Variants in MYOM2 observed in about 807,000 individuals in gnomAD.
The protein encoded by MYOM2 is myomesin-2.
Under a neutral mutation model 187.6 loss-of-function variants are expected in MYOM2, and 254 were observed. That is an observed-to-expected ratio of 1.35 (90% CI 1.22 to 1.50). The LOEUF (loss-of-function observed/expected upper bound fraction) is 1.50, where lower values mean the gene tolerates loss of function less well. Ranked by LOEUF, MYOM2 falls within the 40% of genes most tolerant of loss-of-function variation. The probability of loss-of-function intolerance (pLI) is 0.00; values close to 1 mark genes in which losing one functional copy is unlikely to be tolerated. For missense variants in MYOM2, 2,796 were observed against 1,924.0 expected, an observed-to-expected ratio of 1.45 and a Z score of -8.48; for synonymous variants, 981 against 753.8, an observed-to-expected ratio of 1.30 and a Z score of -4.94.
At chr8:2,087,204 C>A (rs1023192171) in intron 14 of MYOM2, among the ~76,000 whole-genome samples, 1 of 152,108 alleles carries the variant, frequency 6.6e-6, no homozygotes, top group Non-Finnish European at 1.5e-5. Flanking sequence ...TTTTGCGATA[C>A]AAAATTTATA....
rs1366084001 is a variant in MYOM2 at position 2,086,309 on chromosome 8, C to T, written c.1644+919C>T. Among the ~76,000 whole-genome samples, 77 of 142,808 alleles carry T rather than the reference C, an allele frequency of 5.4e-4. 6 individuals are homozygous for T. In the East Asian group the frequency reaches 6.8e-3, roughly 13 times the overall value. 93.7% of individuals were successfully genotyped at this position (142,808 alleles called of 152,430 possible). The stretch of plus-strand genomic sequence containing the variant: ...CTGTCGTGATCTCCGCGTGGCCCCC[C>T]ACAGTCGTGATCTCTGCGTGGCCCC... On this transcript the variant is annotated intron_variant, in intron 14 of 36. Transcript: ENST00000262113.
intron 32 of MYOM2, among the ~76,000 whole-genome samples, chr8:2,138,228 A>G (rs1188636061): frequency 6.6e-6 from 1 of 152,200 alleles, no homozygotes; most frequent in Non-Finnish European, 1.5e-5. Flanking sequence ...GCCAGCCTGC[A>G]GCTTGCAAAC....
At chr8:2,143,615 T>C (rs1798355816) in intron 36 of MYOM2, among the ~76,000 whole-genome samples, 159 bp downstream of exon 36, 1 of 152,160 alleles carries the variant, frequency 6.6e-6, no homozygotes, top group East Asian at 1.9e-4. Flanking sequence ...CTGCCCCTCC[T>C]AGACGGCTTG....
chr8:2,117,824 A>G (rs1797298437), intron 27 of MYOM2, 61 bp from the exon 28 acceptor site: 1 of 1,114,534 alleles, frequency 9.0e-7, no homozygotes. Flanking sequence ...TATAATAGCT[A>G]TATATTTATT....
chr8:2,137,748 A>C (rs1051908685), intron 32 of MYOM2, among the ~76,000 whole-genome samples: 2 of 152,150 alleles, frequency 1.3e-5, no homozygotes, highest in South Asian at 4.1e-4. Flanking sequence ...TCAATAAACG[A>C]TTACAGTGGG....
chr8:2,058,108 TC>T (rs1488650952), intron 5 of MYOM2, among the ~76,000 whole-genome samples: 1 of 147,614 alleles, frequency 6.8e-6, no homozygotes, highest in African/African-American at 2.5e-5. Flanking sequence ...AATCTCCACT[TC>T]CCTGGTTTAA....
At chr8:2,118,563 G>C (rs10107471) in intron 28 of MYOM2, among the ~76,000 whole-genome samples, 102,290 of 152,078 alleles carry the variant, frequency 0.67, 34,502 homozygotes, top group Admixed American at 0.73. Context: ...GAGATGATTC[G>C]TGAGCTGCGT....
intron 31 of MYOM2, chr8:2,127,951 AGTTTCTATTTTG>A (rs1797714762): frequency 6.6e-6 from 1 of 152,430 alleles, no homozygotes; most frequent in African/African-American, 2.4e-5. Context: ...CCATCATAAC[AGTTTCTATTTTG>A]GTTTCTATTT....
intron 13 of MYOM2, chr8:2,084,958 A>G: frequency 2.9e-6 from 1 of 349,408 alleles, no homozygotes; most frequent in East Asian, 5.5e-5. Context: ...TTTCGGGTGC[A>G]ATGCCTGGTT....
chr8:2,046,479 G>A (rs545455913), intron 1 of MYOM2, among the ~76,000 whole-genome samples: 2 of 152,270 alleles, frequency 1.3e-5, no homozygotes, highest in Non-Finnish European at 2.9e-5. Flanking sequence ...CCGGTGACCC[G>A]GGCAAGTCAT....
intron 32 of MYOM2, among the ~76,000 whole-genome samples, chr8:2,132,219 G>C (rs1039970213): frequency 1.3e-5 from 2 of 150,100 alleles, no homozygotes; most frequent in African/African-American, 5.0e-5. Flanking sequence ...GCCAAAGACT[G>C]GTGCTGTGGG....
In MYOM2 at chr8:2,106,577, G is replaced by C; in HGVS notation, c.2978G>C (p.Ser993Thr). The change falls in exon 23 of 37, where the codon AGT (serine) becomes ACT (threonine). Residue 993 changes from serine (S) to threonine (T), a missense_variant. Coordinates refer to ENST00000262113, the MANE Select transcript of MYOM2 (RefSeq NM_003970.4). ...SVSDTDGVSS[S>T]FVLDPEELER... Reference sequence around the variant, plus strand: ...AGTGATACAGACGGAGTGTCCTCCAGTTTTGTTCTGGACCCAGAAGGTAAT... The same window carrying C: ...AGTGATACAGACGGAGTGTCCTCCACTTTTGTTCTGGACCCAGAAGGTAAT... 3 of 1,606,934 alleles carry C rather than the reference G, an allele frequency of 1.9e-6. No individual in the cohort carries two copies. The highest frequency in any genetic ancestry group is 2.6e-6 in the Non-Finnish European group (3 of 1,174,118).
Position 2,117,014 on chromosome 8 carries a change from T to C in MYOM2, c.3385+739T>C, listed in dbSNP as rs184823410. 2.5e-3 allele frequency among the ~76,000 whole-genome samples: 380 copies of C among 152,360 alleles called. 2 individuals carry two copies. The highest frequency in any genetic ancestry group is 3.5e-3 in the Non-Finnish European group (241 of 68,038). The stretch of plus-strand genomic sequence containing the variant: ...TCCTGACCTCGTGATCCGCCCGCCT[T>C]GGCCTCCCAAAGTGCTGGGATTACA... On this transcript the variant is annotated intron_variant, in intron 27 of 36. Transcript: ENST00000262113.
intron 27 of MYOM2, among the ~76,000 whole-genome samples, chr8:2,116,508 T>A (rs1797250552): frequency 6.6e-6 from 1 of 152,192 alleles, no homozygotes; most frequent in Admixed American, 6.5e-5. Flanking sequence ...GCAATTTTAA[T>A]GAAAAGAATA....
chr8:2,054,990 GACGAAGTACCTGGATACTGGGGA>G (rs201428506), intron 3 of MYOM2, among the ~76,000 whole-genome samples: 51,395 of 94,426 alleles, frequency 0.54, 14,224 homozygotes, highest in East Asian at 0.78. Context: ...ATACTGGGGG[GACGAAGTACCTGGATACTGGGGA>G]ACCAAGTACC....
Position 2,090,190 on chromosome 8 carries a change from C to T in MYOM2, c.1827C>T (p.Thr609=), listed in dbSNP as rs779211924. Residue 609 remains threonine (T), a splice_region_variant and synonymous_variant, in exon 15 of 37, where the codon ACC becomes ACT. Coordinates refer to ENST00000262113, the MANE Select transcript of MYOM2 (RefSeq NM_003970.4). The part of the protein sequence containing the change: ...ITSPIQAQDV[T]VVPSAPGRVL... ...CCCCCATTCAGGCCCAGGATGTGAC[C>T]GGTGAGCTGTCACACTGGGTGGCCC... 2.8e-5 allele frequency: 45 copies of T among 1,611,358 alleles called. No individual in the cohort carries two copies. The highest frequency in any genetic ancestry group is 8.9e-5 in the East Asian group (4 of 44,778).
intron 25 of MYOM2, among the ~76,000 whole-genome samples, chr8:2,112,457 C>A (rs1244616957): frequency 6.6e-6 from 1 of 151,648 alleles, no homozygotes; most frequent in Non-Finnish European, 1.5e-5. Context: ...CTCTAGTGCA[C>A]AGAGAGTGGG....
At chr8:2,071,908 C>T (rs976207069) in intron 8 of MYOM2, among the ~76,000 whole-genome samples, 1 of 152,126 alleles carries the variant, frequency 6.6e-6, no homozygotes, top group Non-Finnish European at 1.5e-5. Context: ...TCATTCTCCC[C>T]TGGGGTCCCA....
At position 2,073,452 on chromosome 8, in the gene MYOM2, G is replaced by C; in HGVS notation, c.1072G>C (p.Val358Leu). The C allele has an allele frequency of 1.2e-6, 2 of 1,611,138 alleles. No homozygotes were observed. The highest frequency in any genetic ancestry group is 1.7e-6 in the Non-Finnish European group (2 of 1,179,600). Residue 358 changes from valine (V) to leucine (L), a missense_variant, in exon 10 of 37, where the codon GTG (valine) becomes CTG (leucine). Val to Leu is a conservative substitution (Grantham distance 32). Coordinates refer to ENST00000262113, the MANE Select transcript of MYOM2 (RefSeq NM_003970.4). ...DDEGLYTLRIVSRGGVSDHSA... is the reference protein window; with the variant it reads ...DDEGLYTLRILSRGGVSDHSA... Reference sequence around the variant, plus strand: ...CGAGGGCCTGTACACCCTGCGCATCGTGTCTCGGGGCGGCGTCAGCGACCA... The same window carrying C: ...CGAGGGCCTGTACACCCTGCGCATCCTGTCTCGGGGCGGCGTCAGCGACCA...
Sources: allele counts gnomAD v4.1 joint callset (sites outside exome capture counted in the v4.1 genomes callset), GRCh38; gene constraint gnomAD v4.1.1; transcripts MANE v1.5; gene names NCBI Gene and HGNC (gene_info 2026-07-23, HGNC 2026-07-21).